The following OLAH variants were observed in gnomAD, a reference collection of about 807,000 sequenced individuals.
OLAH encodes the protein oleoyl-ACP hydrolase.
A neutral mutation model predicts 27.8 loss-of-function variants in OLAH; 33 were observed. The observed-to-expected ratio is 1.19, with a 90% confidence interval of 0.90 to 1.59. OLAH has a LOEUF of 1.59. Ranked by LOEUF, OLAH falls within the 40% of genes most tolerant of loss-of-function variation. The pLI, the probability that OLAH is intolerant of heterozygous loss-of-function variation, is 0.00. For missense variants in OLAH, 359 were observed against 310.8 expected (o/e 1.16, Z -1.17); for synonymous variants, 120 against 102.9 (o/e 1.17, Z -1.01).
intron 2 of OLAH, among the ~76,000 whole-genome samples, chr10:15,047,702 C>CA (rs148503784): frequency 5.3e-5 from 8 of 151,542 alleles, no homozygotes; most frequent in East Asian, 1.9e-4. Context: ...GAATCCATCT[C>CA]AAAAAAAATA....
At chr10:15,064,055 T>A (rs78617974) in intron 4 of OLAH, among the ~76,000 whole-genome samples, 63,116 of 151,546 alleles carry the variant, frequency 0.42, 13,277 homozygotes, top group East Asian at 0.58. Flanking sequence ...TCCATTAGGA[T>A]CTCAGAAATT....
intron 3 of OLAH, among the ~76,000 whole-genome samples, chr10:15,058,261 T>C (rs1014535274): frequency 2.6e-5 from 4 of 152,186 alleles, no homozygotes; most frequent in African/African-American, 9.7e-5. Context: ...TAATTTTTTT[T>C]TTTAAGTTTT....
chr10:15,049,799 A>G, intron 3 of OLAH, 34 bp downstream of exon 3: 1 of 1,585,774 alleles, frequency 6.3e-7, no homozygotes, highest in Non-Finnish European at 8.6e-7. Context: ...TAAGCAATTT[A>G]AAAGGGCAGA....
chr10:15,041,621 G>A (rs1299564170), upstream of OLAH, among the ~76,000 whole-genome samples: 3 of 151,828 alleles, frequency 2.0e-5, no homozygotes, highest in Non-Finnish European at 4.4e-5. Context: ...TGTTGCCCAG[G>A]CTGGAGTGCA....
intron 1 of OLAH, among the ~76,000 whole-genome samples, chr10:15,034,433 G>T (rs143787390): frequency 6.6e-6 from 1 of 151,954 alleles, no homozygotes; most frequent in Non-Finnish European, 1.5e-5. Flanking sequence ...GCACCCAGCC[G>T]ACTCTACCCT....
intron 1 of OLAH, among the ~76,000 whole-genome samples, chr10:15,045,027 C>T (rs1283360031): frequency 2.6e-5 from 4 of 152,262 alleles, no homozygotes; most frequent in Non-Finnish European, 4.4e-5. Flanking sequence ...CCTCTTCTCT[C>T]GTCTGGTACT....
At chr10:15,041,078 G>A (rs1286249453), upstream of OLAH, among the ~76,000 whole-genome samples, 3 of 152,204 alleles carry the variant, frequency 2.0e-5, no homozygotes, top group African/African-American at 4.8e-5. Context: ...ATTGACTAGA[G>A]TGGGTGCAGC....
chr10:15,044,999 T>C (rs538192338), intron 1 of OLAH, among the ~76,000 whole-genome samples: 1 of 152,324 alleles, frequency 6.6e-6, no homozygotes, highest in South Asian at 2.1e-4. Context: ...TCTGGAGTAT[T>C]GTCTCTGTCC....
At chr10:15,046,746 TA>T (rs1186184213) in intron 1 of OLAH, among the ~76,000 whole-genome samples, 1 of 152,172 alleles carries the variant, frequency 6.6e-6, no homozygotes, top group Admixed American at 6.6e-5. Context: ...TCTTGAGATT[TA>T]AAAGAGCACA....
chr10:15,072,535 G>A (rs1445645016), intron 7 of OLAH, among the ~76,000 whole-genome samples: 3 of 152,142 alleles, frequency 2.0e-5, no homozygotes, highest in Non-Finnish European at 4.4e-5. Flanking sequence ...AAACCTGAGA[G>A]GGGCTCCTGG....
chr10:15,049,013 G>C (rs1205038746), intron 2 of OLAH, among the ~76,000 whole-genome samples: 1 of 150,180 alleles, frequency 6.7e-6, no homozygotes, highest in Non-Finnish European at 1.5e-5. Flanking sequence ...TGACGCAGGA[G>C]AATCACTTGA....
chr10:15,065,644 T>A lies in OLAH; in HGVS notation c.463T>A (p.Tyr155Asn). Residue 155 changes from tyrosine to asparagine, a missense_variant, in exon 6 of 8, where the codon TAC becomes AAC. Transcript: ENST00000378228. ...DELSEEQISH[Y>N]LMEFGGTPKH... ...ATTGTCAGAAGAACAAATAAGTCAT[T>A]ACCTTATGGAATTTGGAGGCACCCC... 6.2e-7 allele frequency: 1 copy of A among 1,613,968 alleles called. No individual in the cohort carries two copies. The highest frequency in any genetic ancestry group is 8.5e-7 in the Non-Finnish European group (1 of 1,179,980).
At chr10:15,069,855 G>T (rs2131379764) in intron 6 of OLAH, among the ~76,000 whole-genome samples, 1 of 152,080 alleles carries the variant, frequency 6.6e-6, no homozygotes, top group East Asian at 1.9e-4. Context: ...AATAGAGCGA[G>T]ACTCCATCTA....
chr10:15,063,176 C>G (rs1207563328), intron 4 of OLAH, among the ~76,000 whole-genome samples: 1 of 152,178 alleles, frequency 6.6e-6, no homozygotes, highest in Admixed American at 6.6e-5. Context: ...ACCCAGGCTG[C>G]AGGGCAGTGG....
At chr10:15,050,539 ATT>A (rs764081489) in intron 3 of OLAH, among the ~76,000 whole-genome samples, 29 of 109,026 alleles carry the variant, frequency 2.7e-4, no homozygotes, top group Middle Eastern at 5.8e-3. Context: ...AAGTGCTAGG[ATT>A]TTTTTTTTTT....
intron 6 of OLAH, among the ~76,000 whole-genome samples, chr10:15,066,008 A>C (rs375214172): frequency 6.6e-6 from 1 of 152,224 alleles, no homozygotes; most frequent in East Asian, 1.9e-4. Context: ...TGGGAGACCA[A>C]GGCCAGTGGA....
At chr10:15,063,014 C>G (rs989272237) in intron 4 of OLAH, among the ~76,000 whole-genome samples, 1 of 152,158 alleles carries the variant, frequency 6.6e-6, no homozygotes, top group East Asian at 1.9e-4. Flanking sequence ...GCTGGGATTA[C>G]AGGTGTGAGC....
At chr10:15,032,946 C>T (rs1375258008) in intron 1 of OLAH, among the ~76,000 whole-genome samples, 2 of 152,076 alleles carry the variant, frequency 1.3e-5, no homozygotes, top group African/African-American at 2.4e-5. Flanking sequence ...AATCTTGGCT[C>T]ACTGCAACCT....
chr10:15,071,521 CACCAGCCTT>C, intron 6 of OLAH: 1 of 984,538 alleles, frequency 1.0e-6, no homozygotes, highest in Non-Finnish European at 1.2e-6. Flanking sequence ...GGACTGGTTC[CACCAGCCTT>C]ACCTTGAGTT....
Sources: allele counts gnomAD v4.1 joint callset (sites outside exome capture counted in the v4.1 genomes callset), GRCh38; gene constraint gnomAD v4.1.1; transcripts MANE v1.5; gene names NCBI Gene and HGNC (gene_info 2026-07-23, HGNC 2026-07-21).